The following CFAP57 variants were observed in gnomAD, a reference collection of about 807,000 sequenced individuals.
CFAP57 encodes cilia and flagella associated protein 57, also known as cilia- and flagella-associated protein 57.
CFAP57 carries 116 observed loss-of-function variants against 146.8 expected under a neutral mutation model. The observed-to-expected ratio is 0.79, with a 90% CI of 0.68 to 0.92. The LOEUF is 0.92. Ranked by LOEUF, CFAP57 falls within the 40% of genes least tolerant of loss-of-function variation. The probability of loss-of-function intolerance (pLI) is 0.00; values close to 1 mark genes in which losing one functional copy is unlikely to be tolerated. For missense variants in CFAP57, 1,377 were observed against 1,527.2 expected (o/e 0.90, Z 1.64); for synonymous variants, 518 against 552.8 (o/e 0.94, Z 0.88).
At chr1:43,251,319 A>G (rs1004517139) in intron 22 of CFAP57, among the ~76,000 whole-genome samples, 1 of 152,226 alleles carries the variant, frequency 6.6e-6, no homozygotes, top group Non-Finnish European at 1.5e-5. Flanking sequence ...GACTGACTAA[A>G]ACGGGGAGGG....
In CFAP57 at chr1:43,181,824, G is replaced by C; in HGVS notation, c.448G>C (p.Asp150His). ...KQKVMAIVRIDTQNNPVYQVS... is the reference protein window; with the variant it reads ...KQKVMAIVRIHTQNNPVYQVS... ...GAAAGTAATGGCCATTGTTAGAATC[G>C]ACACTCAGAACAACCCTGTCTACCA... The change falls in exon 3 of 23, where the codon GAC (aspartate) becomes CAC (histidine). Residue 150 changes from aspartate (D) to histidine (H), a missense_variant. Physicochemically the swap from Asp to His is moderately conservative, Grantham distance 81. Coordinates refer to ENST00000372492, the MANE Select transcript of CFAP57 (RefSeq NM_001378189.1). 6.2e-7 allele frequency: 1 copy of C among 1,614,122 alleles called. No homozygotes were observed. The highest frequency in any genetic ancestry group is 8.5e-7 in the Non-Finnish European group (1 of 1,180,032).
chr1:43,185,139 T>C lies in CFAP57; in HGVS notation c.762-10T>C. The C allele has an allele frequency of 6.2e-7, 1 of 1,614,050 alleles. No individual in the cohort carries two copies. Among genetic ancestry groups the C allele is most frequent in the South Asian group, 1.1e-5 (1 of 91,078 alleles). ...TCTATAAATTATGTATGCTGTTTTTTTGTTTCCAGCCTGATTGAATTTCCA... is the reference window on the plus strand; with the variant it reads ...TCTATAAATTATGTATGCTGTTTTTCTGTTTCCAGCCTGATTGAATTTCCA... On this transcript the variant is annotated splice_polypyrimidine_tract_variant and intron_variant, in intron 4 of 22. Coordinates refer to ENST00000372492, the MANE Select transcript of CFAP57 (RefSeq NM_001378189.1).
At chr1:43,246,542 T>C (rs1646121770) in intron 22 of CFAP57, among the ~76,000 whole-genome samples, 1 of 152,064 alleles carries the variant, frequency 6.6e-6, no homozygotes, top group South Asian at 2.1e-4. Context: ...GAATCAAAGA[T>C]CTAAACAGAA....
chr1:43,194,761 T>C (rs907987653), intron 6 of CFAP57: 5 of 152,200 alleles, frequency 3.3e-5, no homozygotes, highest in Non-Finnish European at 5.9e-5. Context: ...GTTATTGTAG[T>C]TTTTAACTCT....
At chr1:43,241,202 G>A (rs2124652838) in intron 21 of CFAP57, among the ~76,000 whole-genome samples, 1 of 152,280 alleles carries the variant, frequency 6.6e-6, no homozygotes, top group South Asian at 2.1e-4. Flanking sequence ...TTACTGCGAG[G>A]ATGGCACCAA....
At chr1:43,236,013 C>A (rs1426482744) in intron 21 of CFAP57, among the ~76,000 whole-genome samples, 4 of 152,288 alleles carry the variant, frequency 2.6e-5, no homozygotes, top group South Asian at 4.1e-4. Context: ...GCATCCTGTC[C>A]TCTTCTGCTT....
intron 19 of CFAP57, 30 bp from the exon 20 acceptor site, chr1:43,234,249 A>G (rs1437663940): frequency 6.5e-7 from 1 of 1,530,104 alleles, no homozygotes; most frequent in Admixed American, 2.1e-5. Context: ...AGCACCCTAC[A>G]GCACCAGAAG....
intron 12 of CFAP57, among the ~76,000 whole-genome samples, chr1:43,216,582 G>A (rs1466114684): frequency 1.3e-5 from 2 of 152,160 alleles, no homozygotes; most frequent in Non-Finnish European, 2.9e-5. Flanking sequence ...GGGCCTGACA[G>A]TACCGCTGCC....
In CFAP57 at chr1:43,227,128, TAAG is replaced by T; in HGVS notation, c.3009+6_3009+8del. 6.6e-7 allele frequency: 1 copy of T among 1,524,624 alleles called. No individual in the cohort carries two copies. Among genetic ancestry groups the T allele is most frequent in the East Asian group, 2.5e-5 (1 of 40,146 alleles). The allele number at this position is 1,524,624 out of a possible 1,614,324, so 94.4% of individuals were successfully genotyped here. ...GTGATGAAGGAACAGATTCAGGAGG[TAAG>T]AAGCCATTTGCAACACTCTGGCCTC... On this transcript the variant is annotated splice_donor_5th_base_variant and intron_variant, in intron 18 of 22. Transcript: ENST00000372492.
chr1:43,178,515 C>G (rs542389579), intron 2 of CFAP57, among the ~76,000 whole-genome samples: 3 of 152,304 alleles, frequency 2.0e-5, no homozygotes, highest in African/African-American at 7.2e-5. Flanking sequence ...ATTTATGCAG[C>G]CAACCGACAC....
chr1:43,187,008 G>T, intron 6 of CFAP57, 149 bp downstream of exon 6: 1 of 928,924 alleles, frequency 1.1e-6, no homozygotes. Flanking sequence ...CTAATTTTAA[G>T]ATATTCACAT....
chr1:43,220,642 C>T (rs987882448), intron 13 of CFAP57, among the ~76,000 whole-genome samples: 1 of 152,042 alleles, frequency 6.6e-6, no homozygotes, highest in Admixed American at 6.6e-5. Context: ...GAGGACTGCT[C>T]GAGCCTGGGA....
chr1:43,199,361 G>T, intron 8 of CFAP57, 29 bp from the exon 9 acceptor site: 2 of 1,606,058 alleles, frequency 1.2e-6, no homozygotes. Flanking sequence ...CTTCCTGCTT[G>T]CTTGCTCTCT....
chr1:43,207,593 G>A (rs1000039422), intron 10 of CFAP57, among the ~76,000 whole-genome samples: 3 of 152,168 alleles, frequency 2.0e-5, no homozygotes, highest in African/African-American at 7.2e-5. Context: ...CATATCAAGC[G>A]ATGCATGACT....
intron 21 of CFAP57, among the ~76,000 whole-genome samples, chr1:43,236,377 A>G (rs1645689187): frequency 6.6e-6 from 1 of 151,890 alleles, no homozygotes; most frequent in Admixed American, 6.6e-5. Flanking sequence ...TAAAAAAAAG[A>G]AAAGTTTTCA....
At chr1:43,191,477 C>T (rs578136244) in intron 6 of CFAP57, among the ~76,000 whole-genome samples, 2 of 150,702 alleles carry the variant, frequency 1.3e-5, no homozygotes, top group South Asian at 4.2e-4. Flanking sequence ...GTCCCAGCTA[C>T]TCGGGAGGCT....
intron 21 of CFAP57, among the ~76,000 whole-genome samples, chr1:43,236,235 G>T (rs552675445): frequency 6.6e-6 from 1 of 151,970 alleles, no homozygotes; most frequent in African/African-American, 2.4e-5. Flanking sequence ...ACTGCAGGGA[G>T]TAAGAAGGGG....
At chr1:43,198,994 C>T (rs1438787586) in intron 8 of CFAP57, among the ~76,000 whole-genome samples, 3 of 152,050 alleles carry the variant, frequency 2.0e-5, no homozygotes, top group Admixed American at 1.3e-4. Flanking sequence ...AGGTTGGAGA[C>T]GGAGGAGCCA....
rs1234201771 is a variant in CFAP57 at position 43,234,579 on chromosome 1, A to G, written c.3346A>G (p.Lys1116Glu). Residue 1116 changes from lysine to glutamate, a missense_variant, in exon 21 of 23, where the codon AAG becomes GAG. Coordinates refer to ENST00000372492, the MANE Select transcript of CFAP57 (RefSeq NM_001378189.1). ...CCTGGAGAGGAACCTGGCCACTCTC[A>G]AGAAGAAGGTGGTCAAGGAGGGCGA... ...EHLERNLATL[K>E]KKVVKEGELH... 7 of 1,549,752 alleles carry G rather than the reference A, an allele frequency of 4.5e-6. No individual in the cohort carries two copies. Among genetic ancestry groups the G allele is most frequent in the Non-Finnish European group, 6.1e-6 (7 of 1,146,338 alleles).
Sources: gnomAD v4.1 joint callset for allele counts (sites outside exome capture counted in the v4.1 genomes callset) on GRCh38, gnomAD v4.1.1 for gene constraint, MANE v1.5 for transcripts, NCBI Gene and HGNC (gene_info 2026-07-23, HGNC 2026-07-21) for gene names.